PRKACB: variants seen among roughly 807,000 people sequenced by gnomAD.
The protein encoded by PRKACB is protein kinase cAMP-activated catalytic subunit beta, also known as cAMP-dependent protein kinase catalytic subunit beta.
A neutral mutation model predicts 51.4 loss-of-function variants in PRKACB; 16 were observed. The ratio of observed to expected loss-of-function variants is 0.31; its 90% confidence interval spans 0.21 to 0.47. The LOEUF (loss-of-function observed/expected upper bound fraction) is 0.47. PRKACB is among the 20% of genes least tolerant of loss of function. The pLI is 1.00. For missense variants in PRKACB, 309 were observed against 464.5 expected (o/e 0.67, Z 3.08); for synonymous variants, 147 against 154.4 (o/e 0.95, Z 0.35).
intron 1 of PRKACB, among the ~76,000 whole-genome samples, chr1:84,178,084 A>G (rs2100927008): frequency 6.6e-6 from 1 of 152,182 alleles, no homozygotes; most frequent in Middle Eastern, 3.4e-3. Flanking sequence ...AAACATTTAA[A>G]ATGCCAAAAG....
intron 1 of PRKACB, among the ~76,000 whole-genome samples, chr1:84,145,494 TG>T (rs1653934497): frequency 6.6e-6 from 1 of 152,118 alleles, no homozygotes. Context: ...AAATCAAGAA[TG>T]GCTTACAAAA....
intron 1 of PRKACB, among the ~76,000 whole-genome samples, chr1:84,172,518 A>C (rs1302153937): frequency 6.6e-6 from 1 of 151,674 alleles, no homozygotes; most frequent in African/African-American, 2.4e-5. Context: ...TTGGGAGAGA[A>C]GGCATGTACA....
chr1:84,134,214 G>A (rs1026505570), intron 1 of PRKACB, among the ~76,000 whole-genome samples: 8 of 152,146 alleles, frequency 5.3e-5, no homozygotes, highest in African/African-American at 1.7e-4. Context: ...TGGGTCAGGG[G>A]TTTTTATGGG....
intron 8 of PRKACB, chr1:84,204,745 C>G: frequency 1.2e-6 from 1 of 851,146 alleles, no homozygotes; most frequent in Non-Finnish European, 1.5e-6. Flanking sequence ...TACTATATTA[C>G]TTTTATTTAT....
chr1:84,124,568 C>G (rs778542315), intron 1 of PRKACB, among the ~76,000 whole-genome samples: 6 of 152,168 alleles, frequency 3.9e-5, no homozygotes, highest in Non-Finnish European at 8.8e-5. Context: ...CTGTCTGAGC[C>G]TATAGCCCCC....
intron 1 of PRKACB, among the ~76,000 whole-genome samples, chr1:84,098,638 A>G (rs1649106443): frequency 6.6e-6 from 1 of 152,058 alleles, no homozygotes; most frequent in African/African-American, 2.4e-5. Context: ...GATAACAGTA[A>G]ATATACTCTT....
At chr1:84,182,122 T>C in intron 2 of PRKACB, 78 bp from the exon 3 acceptor site, 3 of 1,056,736 alleles carry the variant, frequency 2.8e-6, no homozygotes, top group Non-Finnish European at 3.8e-6. Flanking sequence ...CCATTATGAT[T>C]ATGTATTATT....
chr1:84,090,841 G>A (rs1648401524), intron 1 of PRKACB, among the ~76,000 whole-genome samples: 1 of 152,082 alleles, frequency 6.6e-6, no homozygotes, highest in Admixed American at 6.6e-5. Flanking sequence ...GCACTTTGAT[G>A]GAAGGAGTTA....
At chr1:84,194,820 C>A (rs904322412) in intron 5 of PRKACB, among the ~76,000 whole-genome samples, 2 of 151,984 alleles carry the variant, frequency 1.3e-5, no homozygotes, top group African/African-American at 2.4e-5. Context: ...CAACTGTAGT[C>A]CCAGCTACTC....
chr1:84,110,874 A>G (rs1650176896), intron 1 of PRKACB, among the ~76,000 whole-genome samples: 1 of 152,044 alleles, frequency 6.6e-6, no homozygotes, highest in Non-Finnish European at 1.5e-5. Flanking sequence ...CTTTAGTCAT[A>G]TAAGCCAGAA....
chr1:84,138,061 CT>C (rs1285731763), intron 1 of PRKACB, among the ~76,000 whole-genome samples: 5 of 152,196 alleles, frequency 3.3e-5, no homozygotes, highest in Admixed American at 1.3e-4. Context: ...AATGTACCCA[CT>C]TGCCAGATCT....
At chr1:84,115,746 G>T (rs1650580196) in intron 1 of PRKACB, among the ~76,000 whole-genome samples, 1 of 151,848 alleles carries the variant, frequency 6.6e-6, no homozygotes, top group Non-Finnish European at 1.5e-5. Context: ...GCTGGGCGTG[G>T]TGGTGCATGC....
At chr1:84,197,351 T>C (rs1193878247) in intron 6 of PRKACB, among the ~76,000 whole-genome samples, 3 of 152,186 alleles carry the variant, frequency 2.0e-5, no homozygotes, top group Non-Finnish European at 4.4e-5. Context: ...ACACTTCTGA[T>C]GGTGCAACTA....
At chr1:84,175,626 T>C (rs1323575381) in intron 1 of PRKACB, among the ~76,000 whole-genome samples, 1 of 151,818 alleles carries the variant, frequency 6.6e-6, no homozygotes, top group East Asian at 1.9e-4. Flanking sequence ...CTTTAAAATC[T>C]GATTTTTAAA....
intron 1 of PRKACB, among the ~76,000 whole-genome samples, chr1:84,158,122 C>T (rs1455751620): frequency 6.6e-6 from 1 of 151,728 alleles, no homozygotes; most frequent in East Asian, 1.9e-4. Context: ...GTCACCCAGG[C>T]TGGAGTGCAG....
intron 7 of PRKACB, among the ~76,000 whole-genome samples, chr1:84,198,207 A>T (rs796232557): frequency 6.6e-6 from 1 of 152,138 alleles, no homozygotes; most frequent in East Asian, 1.9e-4. Flanking sequence ...TTTGTTTCAA[A>T]TTTACCAGTT....
At position 84,138,549 on chromosome 1, in the gene PRKACB, CAAAAA is replaced by C. The variant is rs374715434; in HGVS notation, c.47-40627_47-40623del. 3.8e-3 allele frequency among the ~76,000 whole-genome samples: 574 copies of C among 151,986 alleles called. 3 individuals carry two copies. Among genetic ancestry groups the C allele is most frequent in the African/African-American group, 0.012 (514 of 41,454 alleles). ...TGTAATCTTCAAAAAAAATCAAAAA[CAAAAA>C]CGAAAAACAAAACACTGTCCCAGAT... On this transcript the variant is annotated intron_variant, in intron 1 of 8. Coordinates refer to the PRKACB transcript ENST00000370688.
rs909232456 is a variant in PRKACB, at chr1:84,238,078, G to T, written c.*2773G>T. ...TTAAAATTATTTGAATATCATAAGA[G>T]CCTTGGTGTCTGTCCTAATTCCTTT... On this transcript the variant is annotated 3_prime_UTR_variant, in exon 10 of 10. Transcript: ENST00000370685. 6.6e-6 allele frequency: 1 copy of T among 152,188 alleles called. No homozygotes were observed. Among genetic ancestry groups the T allele is most frequent in the East Asian group, 1.9e-4 (1 of 5,180 alleles). The allele number at this position is 152,188 out of a possible 1,614,324, so 9.4% of individuals were successfully genotyped here.
chr1:84,096,782 C>G (rs1286400974), intron 1 of PRKACB, among the ~76,000 whole-genome samples: 1 of 151,908 alleles, frequency 6.6e-6, no homozygotes, highest in Non-Finnish European at 1.5e-5. Flanking sequence ...ATAAAGTGTG[C>G]ACATTTTTAA....
Sources: allele counts gnomAD v4.1 joint callset (sites outside exome capture counted in the v4.1 genomes callset), GRCh38; gene constraint gnomAD v4.1.1; transcripts MANE v1.5; gene names NCBI Gene and HGNC (gene_info 2026-07-23, HGNC 2026-07-21).